The following MAT1A variants were observed in gnomAD, a reference collection of about 807,000 sequenced individuals.
MAT1A encodes the protein methionine adenosyltransferase 1A, also known as S-adenosylmethionine synthase isoform type-1.
A neutral mutation model predicts 44.0 loss-of-function variants in MAT1A; 19 were observed. The observed-to-expected ratio is 0.43, with a 90% CI of 0.30 to 0.63. MAT1A has a LOEUF of 0.63. MAT1A is among the 30% of genes least tolerant of loss of function. The pLI, the probability that MAT1A is intolerant of heterozygous loss-of-function variation, is 0.12. For missense variants in MAT1A, 397 were observed against 531.0 expected, an observed-to-expected ratio of 0.75 and a Z score of 2.48; for synonymous variants, 205 against 205.6, an observed-to-expected ratio of 1.00 and a Z score of 0.03.
chr10:80,284,891 A>T (rs1205588480), intron 2 of MAT1A, among the ~76,000 whole-genome samples: 2 of 152,256 alleles, frequency 1.3e-5, no homozygotes, highest in Non-Finnish European at 2.9e-5. Context: ...CAGACACAAT[A>T]AATTATGCAG....
intron 1 of MAT1A, among the ~76,000 whole-genome samples, chr10:80,288,255 C>A (rs1009642585): frequency 6.6e-6 from 1 of 152,210 alleles, no homozygotes; most frequent in South Asian, 2.1e-4. Context: ...GTACATCTAT[C>A]CCCCAGGGGT....
Position 80,273,879 on chromosome 10 carries a change from A to T in MAT1A, c.1090T>A (p.Leu364Met). ...TGGTAGATGGGCTTCTTCAAGTCCA[A>T]ATCCCTGCATGTCCAGCAGAAAGGA... The part of the protein sequence containing the change: ...DLRPGVIVRD[L>M]DLKKPIYQKT... The change falls in exon 9 of 9, where the codon TTG becomes ATG. Residue 364 changes from leucine to methionine, a missense_variant. Physicochemically the swap from Leu to Met is conservative, Grantham distance 15. Coordinates refer to ENST00000372213, the MANE Select transcript of MAT1A (RefSeq NM_000429.3). The T allele has an allele frequency of 6.2e-7, 1 of 1,601,804 alleles. No homozygotes were observed. The highest frequency in any genetic ancestry group is 8.6e-7 in the Non-Finnish European group (1 of 1,169,096).
intron 3 of MAT1A, among the ~76,000 whole-genome samples, chr10:80,282,743 G>C (rs1483493978): frequency 6.6e-6 from 1 of 152,128 alleles, no homozygotes; most frequent in Non-Finnish European, 1.5e-5. Flanking sequence ...GCTTTGGGCT[G>C]CACCAGGCCA....
intron 5 of MAT1A, 41 bp downstream of exon 5, chr10:80,280,132 G>T: frequency 6.2e-6 from 10 of 1,610,764 alleles, no homozygotes; most frequent in South Asian, 1.1e-5. Flanking sequence ...GGGTATTAAA[G>T]CTTCTGTCTA....
intron 1 of MAT1A, 87 bp downstream of exon 1, chr10:80,289,246 G>T: frequency 9.9e-7 from 1 of 1,013,072 alleles, no homozygotes; most frequent in Non-Finnish European, 1.6e-6. Flanking sequence ...CAATTATTAT[G>T]TGTCAAATTA....
At chr10:80,284,904 G>T (rs1439941087) in intron 2 of MAT1A, among the ~76,000 whole-genome samples, 1 of 152,216 alleles carries the variant, frequency 6.6e-6, no homozygotes, top group Non-Finnish European at 1.5e-5. Context: ...TTATGCAGAT[G>T]GGAGCCAGGG....
chr10:80,275,263 A>C (rs1009480107), intron 6 of MAT1A, 64 bp from the exon 7 acceptor site: 14 of 1,424,020 alleles, frequency 9.8e-6, no homozygotes, highest in Admixed American at 1.8e-5. Context: ...AGGGGGCTGA[A>C]GTACTGTGAT....
In MAT1A at chr10:80,273,501, T is replaced by G; in HGVS notation, c.*280A>C. On this transcript the variant is annotated 3_prime_UTR_variant, in exon 9 of 9. Transcript: ENST00000372213. ...GGGAGACGAGTGAGGGAATTCACTC[T>G]TGACGGGGGTGCCTTTTCCACTAAA... is the stretch of plus-strand genomic sequence containing the variant. 2.3e-6 allele frequency: 1 copy of G among 433,780 alleles called. No individual in the cohort carries two copies. Among genetic ancestry groups the G allele is most frequent in the Admixed American group, 3.5e-5 (1 of 28,782 alleles). The allele number at this position is 433,780 out of a possible 1,614,324, so 26.9% of individuals were successfully genotyped here.
chr10:80,280,819 TGGGGAA>T, intron 3 of MAT1A, 27 bp from the exon 4 acceptor site: 1 of 1,551,506 alleles, frequency 6.4e-7, no homozygotes, highest in Non-Finnish European at 8.9e-7. Flanking sequence ...TGAGCCTAAG[TGGGGAA>T]CAGGTCAGAA....
At chr10:80,286,918 T>C (rs1318286018) in intron 1 of MAT1A, among the ~76,000 whole-genome samples, 1 of 152,220 alleles carries the variant, frequency 6.6e-6, no homozygotes, top group Non-Finnish European at 1.5e-5. Flanking sequence ...GCTAAACATA[T>C]GTTTGAGGTT....
At position 80,276,408 on chromosome 10, in the gene MAT1A, G is replaced by A; in HGVS notation, c.736C>T (p.Pro246Ser). ...LDEDTVYHLQ[P>S]SGRFVIGGPQ... The stretch of plus-strand genomic sequence containing the variant: ...CCTCCGATGACAAACCGCCCACTGG[G>A]CTGCAGGTGGTAGACGGTGTCTTCG... The change falls in exon 6 of 9, where the codon CCC (proline) becomes TCC (serine). Residue 246 changes from proline (P) to serine (S), a missense_variant. Coordinates refer to ENST00000372213, the MANE Select transcript of MAT1A (RefSeq NM_000429.3). The A allele has an allele frequency of 1.9e-6, 3 of 1,614,168 alleles. No homozygotes were observed. The highest frequency in any genetic ancestry group is 2.5e-6 in the Non-Finnish European group (3 of 1,180,050).
At chr10:80,284,617 A>G (rs1042991558) in intron 2 of MAT1A, among the ~76,000 whole-genome samples, 1 of 152,256 alleles carries the variant, frequency 6.6e-6, no homozygotes, top group African/African-American at 2.4e-5. Flanking sequence ...TGGACAAGAC[A>G]TGACAATGAC....
chr10:80,286,007 T>G (rs775077124), intron 1 of MAT1A, among the ~76,000 whole-genome samples: 7 of 151,986 alleles, frequency 4.6e-5, no homozygotes, highest in Non-Finnish European at 7.4e-5. Flanking sequence ...TTTTGTATTT[T>G]CAGTAGAGAT....
At chr10:80,280,082 G>A (rs749758332) in intron 5 of MAT1A, 91 bp downstream of exon 5, 21 of 1,453,846 alleles carry the variant, frequency 1.4e-5, no homozygotes, top group South Asian at 1.4e-4. Context: ...TGAATATTTC[G>A]ATCTTAAAAA....
intron 2 of MAT1A, among the ~76,000 whole-genome samples, chr10:80,284,689 G>T (rs1167038136): frequency 6.6e-6 from 1 of 152,214 alleles, no homozygotes; most frequent in African/African-American, 2.4e-5. Context: ...CCTTGGCCAG[G>T]CCCTGATGCA....
chr10:80,281,970 A>G (rs142427634), intron 3 of MAT1A, among the ~76,000 whole-genome samples: 1 of 152,284 alleles, frequency 6.6e-6, no homozygotes, highest in Non-Finnish European at 1.5e-5. Context: ...GCAGTTCATT[A>G]GACACAATGC....
chr10:80,275,443 G>T (rs185363600), intron 6 of MAT1A: 2 of 569,046 alleles, frequency 3.5e-6, no homozygotes, highest in Non-Finnish European at 6.3e-6. Context: ...GTGGGCCAGG[G>T]GTTCTCTGGG....
Position 80,273,744 on chromosome 10 carries a change from G to T in MAT1A, c.*37C>A. On this transcript the variant is annotated 3_prime_UTR_variant, in exon 9 of 9. Coordinates refer to ENST00000372213, the MANE Select transcript of MAT1A (RefSeq NM_000429.3). ...GGGAAGAGGAGCATGGCCACCAGGTGCCTCCAGGGTGAGACCAGGCCCAGC... is the reference window on the plus strand; with the variant it reads ...GGGAAGAGGAGCATGGCCACCAGGTTCCTCCAGGGTGAGACCAGGCCCAGC... The T allele has an allele frequency of 7.0e-7, 1 of 1,434,340 alleles. No homozygotes were observed. Among genetic ancestry groups the T allele is most frequent in the Non-Finnish European group, 9.8e-7 (1 of 1,018,312 alleles). 88.9% of individuals were successfully genotyped at this position (1,434,340 alleles called of 1,614,324 possible).
At chr10:80,280,918 A>G in intron 3 of MAT1A, 126 bp from the exon 4 acceptor site, 1 of 745,066 alleles carries the variant, frequency 1.3e-6, no homozygotes. Context: ...CTAACTAGCC[A>G]GGGTCTGTCT....
Sources: gnomAD v4.1 joint callset for allele counts (sites outside exome capture counted in the v4.1 genomes callset) on GRCh38, gnomAD v4.1.1 for gene constraint, MANE v1.5 for transcripts, NCBI Gene and HGNC (gene_info 2026-07-23, HGNC 2026-07-21) for gene names.